Variants in LHFPL3 observed in about 807,000 individuals in gnomAD.
LHFPL3 encodes the protein LHFPL tetraspan subfamily member 3.
LHFPL3 carries 5 observed loss-of-function variants against 19.3 expected under a neutral mutation model. The observed-to-expected ratio is 0.26, with a 90% CI of 0.14 to 0.54. The LOEUF is 0.54. Ranked by LOEUF, LHFPL3 falls within the 20% of genes least tolerant of loss-of-function variation. The probability of loss-of-function intolerance (pLI) is 0.94; values close to 1 mark genes in which losing one functional copy is unlikely to be tolerated. For synonymous variants in LHFPL3, 133 were observed against 126.2 expected (o/e 1.05, Z -0.36); for missense variants, 249 against 307.4 (o/e 0.81, Z 1.42).
rs1793018203 is a variant in LHFPL3, at chr7:104,697,471, C to T, written c.446-39204C>T. Among the ~76,000 whole-genome samples the T allele has an allele frequency of 2.0e-5, 3 of 152,140 alleles. No individual in the cohort carries two copies. In the South Asian group the frequency reaches 6.2e-4, roughly 32 times the overall value. ...ATGCTGTATGAGTGTATTAATACCA[C>T]ATGATTGTAAAATAAATATAGAATG... On this transcript the variant is annotated intron_variant, in intron 1 of 2. Coordinates refer to ENST00000424859, the MANE Select transcript of LHFPL3 (RefSeq NM_199000.3).
In LHFPL3 at chr7:104,600,052, C is replaced by T. The variant is rs1790933940; in HGVS notation, c.446-136623C>T. ...TCAGATGAGGAAGTATGGCTCATCG[C>T]TCATGGCCTGCTGTCTGTGTACAGA... On this transcript the variant is annotated intron_variant, in intron 1 of 2. Coordinates refer to ENST00000424859, the MANE Select transcript of LHFPL3 (RefSeq NM_199000.3). Among the ~76,000 whole-genome samples, 5 of 152,310 alleles carry T rather than the reference C, an allele frequency of 3.3e-5. No individual in the cohort carries two copies. In the South Asian group the frequency reaches 1.0e-3, roughly 32 times the overall value.
intron 1 of LHFPL3, among the ~76,000 whole-genome samples, chr7:104,630,466 GA>G (rs961238652): frequency 1.3e-5 from 2 of 151,838 alleles, no homozygotes; most frequent in Non-Finnish European, 2.9e-5. Context: ...GTACTGACAA[GA>G]AAAAAAATAT....
chr7:104,640,429 T>A (rs534513517), intron 1 of LHFPL3, among the ~76,000 whole-genome samples: 2 of 152,338 alleles, frequency 1.3e-5, no homozygotes, highest in East Asian at 3.9e-4. Flanking sequence ...GCTTCATCCA[T>A]GTACCTGCAA....
At chr7:104,667,680 T>C (rs1459931064) in intron 1 of LHFPL3, 6 of 1,126,526 alleles carry the variant, frequency 5.3e-6, no homozygotes, top group Non-Finnish European at 7.6e-6. Context: ...TAACATGCCA[T>C]TATACATGCA....
chr7:104,778,683 GC>G (rs1278179794), intron 2 of LHFPL3, among the ~76,000 whole-genome samples: 4 of 152,138 alleles, frequency 2.6e-5, no homozygotes, highest in Non-Finnish European at 5.9e-5. Context: ...CCACTTCTCC[GC>G]CCGTGGAACT....
intron 1 of LHFPL3, among the ~76,000 whole-genome samples, chr7:104,356,186 TC>T (rs1328657400): frequency 6.6e-6 from 1 of 152,174 alleles, no homozygotes; most frequent in African/African-American, 2.4e-5. Context: ...CACTGTTCAG[TC>T]CAGGGTAGGT....
intron 2 of LHFPL3, among the ~76,000 whole-genome samples, chr7:104,897,877 A>C (rs1426809625): frequency 6.6e-6 from 1 of 152,106 alleles, no homozygotes; most frequent in African/African-American, 2.4e-5. Context: ...TCTTCTCCCA[A>C]CCCAGAAAAC....
intron 1 of LHFPL3, among the ~76,000 whole-genome samples, chr7:104,365,787 C>CAAAAAAAAAAAATAAATAAATAAAATAA (rs1790477374): frequency 2.0e-5 from 1 of 49,970 alleles, no homozygotes; most frequent in African/African-American, 8.2e-5. Flanking sequence ...GACTCCGTCT[C>CAAAAAAAAAAAATAAATAAATAAAATAA]AAAAAAAAAA....
intron 1 of LHFPL3, among the ~76,000 whole-genome samples, chr7:104,393,203 A>G (rs1791112870): frequency 6.6e-6 from 1 of 152,224 alleles, no homozygotes; most frequent in African/African-American, 2.4e-5. Flanking sequence ...TGGAAACCTC[A>G]TACCTTGCTG....
At chr7:104,414,931 T>C (rs533904557) in intron 1 of LHFPL3, among the ~76,000 whole-genome samples, 2 of 152,304 alleles carry the variant, frequency 1.3e-5, no homozygotes, top group African/African-American at 2.4e-5. Context: ...TTGGATTTAA[T>C]GGTAGTTAGC....
At chr7:104,656,389 G>A (rs770779306) in intron 1 of LHFPL3, among the ~76,000 whole-genome samples, 2 of 152,082 alleles carry the variant, frequency 1.3e-5, no homozygotes, top group Non-Finnish European at 2.9e-5. Flanking sequence ...GGCTCTTTCA[G>A]GGGGAAAAAA....
intron 2 of LHFPL3, among the ~76,000 whole-genome samples, chr7:104,881,668 T>C (rs1300043562): frequency 6.6e-6 from 1 of 152,360 alleles, no homozygotes; most frequent in African/African-American, 2.4e-5. Context: ...AAATTTTACA[T>C]AAACTTAGTT....
At chr7:104,594,831 G>A (rs1471949259) in intron 1 of LHFPL3, among the ~76,000 whole-genome samples, 3 of 152,060 alleles carry the variant, frequency 2.0e-5, no homozygotes, top group South Asian at 2.1e-4. Flanking sequence ...GATCAAATCA[G>A]CTATTGAAGC....
chr7:104,790,205 G>T (rs1434206062), intron 2 of LHFPL3, among the ~76,000 whole-genome samples: 1 of 152,162 alleles, frequency 6.6e-6, no homozygotes, highest in Admixed American at 6.5e-5. Flanking sequence ...AAGCTTTAAG[G>T]GATGGGGGTC....
chr7:104,894,156 T>C (rs1209908751), intron 2 of LHFPL3, among the ~76,000 whole-genome samples: 1 of 152,210 alleles, frequency 6.6e-6, no homozygotes, highest in Non-Finnish European at 1.5e-5. Flanking sequence ...TGCTCTTTGT[T>C]ATCCTTACAG....
chr7:104,356,132 G>C (rs1403411481), intron 1 of LHFPL3, among the ~76,000 whole-genome samples: 1 of 152,178 alleles, frequency 6.6e-6, no homozygotes, highest in African/African-American at 2.4e-5. Flanking sequence ...TGTAATGAAG[G>C]CATGAAAAAT....
chr7:104,385,230 C>T (rs897927130), intron 1 of LHFPL3, among the ~76,000 whole-genome samples: 1 of 152,180 alleles, frequency 6.6e-6, no homozygotes, highest in African/African-American at 2.4e-5. Flanking sequence ...TGTAACAATT[C>T]TTGTTGCCTT....
chr7:104,778,974 A>T (rs1284575528), intron 2 of LHFPL3, among the ~76,000 whole-genome samples: 1 of 152,242 alleles, frequency 6.6e-6, no homozygotes, highest in East Asian at 1.9e-4. Context: ...CTGAATTCAA[A>T]TGCCATACAT....
intron 1 of LHFPL3, among the ~76,000 whole-genome samples, chr7:104,557,011 G>GA (rs1408950446): frequency 1.3e-5 from 2 of 152,136 alleles, no homozygotes; most frequent in East Asian, 1.9e-4. Context: ...CTCCATCTGA[G>GA]ACCACTTCAG....
Sources: allele counts gnomAD v4.1 joint callset (sites outside exome capture counted in the v4.1 genomes callset), GRCh38; gene constraint gnomAD v4.1.1; transcripts MANE v1.5; gene names NCBI Gene and HGNC (gene_info 2026-07-23, HGNC 2026-07-21).